The following CPEB2 variants were observed in gnomAD, a reference collection of about 807,000 sequenced individuals.
CPEB2 encodes cytoplasmic polyadenylation element-binding protein 2.
Under a neutral mutation model 93.6 loss-of-function variants are expected in CPEB2, and 56 were observed. The ratio of observed to expected loss-of-function variants is 0.60; its 90% CI spans 0.48 to 0.75. The LOEUF (loss-of-function observed/expected upper bound fraction) is 0.75, where lower values mean the gene tolerates loss of function less well. Ranked by LOEUF, CPEB2 falls within the 30% of genes least tolerant of loss-of-function variation. The pLI, the probability that CPEB2 is intolerant of heterozygous loss-of-function variation, is 0.00. For synonymous variants in CPEB2, 764 were observed against 586.3 expected (o/e 1.30, Z -4.38); for missense variants, 1,579 against 1,395.1 (o/e 1.13, Z -2.10).
chr4:15,049,417 TCTG>T lies in CPEB2; in HGVS notation c.2201-2996_2201-2994del, dbSNP rs1164690184. Among the ~76,000 whole-genome samples, 3 of 150,322 alleles carry T rather than the reference TCTG, an allele frequency of 2.0e-5. No individual in the cohort carries two copies. The Admixed American group carries it at 2.0e-4, about 10-fold the overall frequency. The stretch of plus-strand genomic sequence containing the variant: ...GAAAAACTTTCCAAAGTATTGTACA[TCTG>T]AAATAAATATAGAATTTGGATTTGT... On this transcript the variant is annotated intron_variant, in intron 6 of 11. Transcript: ENST00000538197.
At chr4:15,055,375 A>G (rs1168662367) in intron 8 of CPEB2, among the ~76,000 whole-genome samples, 2 of 152,302 alleles carry the variant, frequency 1.3e-5, no homozygotes, top group East Asian at 1.9e-4. Context: ...ACAGGAAATT[A>G]TCTCCACATA....
Position 15,069,896 on chromosome 4 carries a change from G to A in CPEB2, c.*3516G>A, listed in dbSNP as rs1393624430. On this transcript the variant is annotated 3_prime_UTR_variant, in exon 12 of 12. Transcript: ENST00000538197. ...ATATTCCTAATGGGGTGTTAAAGCC[G>A]TTTTTTATTTTTTTCTAAATAAAAA... The A allele has an allele frequency of 2.6e-5, 4 of 151,834 alleles. No homozygotes were observed. Among genetic ancestry groups the A allele is most frequent in the Admixed American group, 6.6e-5 (1 of 15,158 alleles). 9.4% of individuals were successfully genotyped at this position (151,834 alleles called of 1,614,324 possible). A position where few individuals can be genotyped will look rare whatever the true frequency, so the allele number is the denominator to read the frequency against.
intron 4 of CPEB2, among the ~76,000 whole-genome samples, chr4:15,019,160 G>A (rs9985700): frequency 0.87 from 130,774 of 150,964 alleles, 57,588 homozygotes; most frequent in Non-Finnish European, 0.95. Flanking sequence ...TATCTTCCAC[G>A]TGTTTTATGA....
At chr4:15,025,078 C>T (rs1725298814) in intron 4 of CPEB2, among the ~76,000 whole-genome samples, 5 of 152,054 alleles carry the variant, frequency 3.3e-5, no homozygotes, top group African/African-American at 1.2e-4. Flanking sequence ...TTTGGAATTC[C>T]TGTTCCTCAA....
intron 8 of CPEB2, among the ~76,000 whole-genome samples, chr4:15,056,746 C>T (rs1361146732): frequency 6.6e-6 from 1 of 152,134 alleles, no homozygotes; most frequent in African/African-American, 2.4e-5. Flanking sequence ...CACACATGTA[C>T]GTAAGTTTCC....
chr4:15,053,110 G>A (rs1412868780), intron 7 of CPEB2, among the ~76,000 whole-genome samples: 6 of 151,644 alleles, frequency 4.0e-5, no homozygotes, highest in Non-Finnish European at 5.9e-5. Context: ...TCCACTTCCC[G>A]GGTTCAAGCG....
chr4:15,033,076 C>A, intron 4 of CPEB2, 85 bp from the exon 5 acceptor site: 2 of 869,250 alleles, frequency 2.3e-6, no homozygotes, highest in Non-Finnish European at 3.7e-6. Context: ...CTTTATGCTG[C>A]CTTTGTTGTT....
At chr4:15,054,451 G>C (rs1728530018) in intron 8 of CPEB2, among the ~76,000 whole-genome samples, 1 of 152,170 alleles carries the variant, frequency 6.6e-6, no homozygotes, top group African/African-American at 2.4e-5. Flanking sequence ...TAAGATCTAT[G>C]TGAAGTGATT....
intron 6 of CPEB2, among the ~76,000 whole-genome samples, chr4:15,046,692 C>G (rs963732214): frequency 2.0e-5 from 3 of 152,160 alleles, no homozygotes; most frequent in Non-Finnish European, 4.4e-5. Flanking sequence ...GTCTTTTGCT[C>G]ATTTTTAATT....
intron 3 of CPEB2, among the ~76,000 whole-genome samples, chr4:15,016,023 G>A (rs1724096764): frequency 6.6e-6 from 1 of 152,014 alleles, no homozygotes; most frequent in Non-Finnish European, 1.5e-5. Context: ...CCTATGAACA[G>A]TATATTACAT....
At chr4:15,004,795 G>A (rs1722562519) in intron 1 of CPEB2, 1 of 152,760 alleles carries the variant, frequency 6.5e-6, no homozygotes, top group African/African-American at 2.4e-5. Flanking sequence ...GAGGACCGGG[G>A]GCTGGCCGGG....
chr4:15,069,940 G>A lies in CPEB2; in HGVS notation c.*3560G>A, dbSNP rs1729969390. 1 of 151,188 alleles carries A rather than the reference G, an allele frequency of 6.6e-6. No individual in the cohort carries two copies. The allele number at this position is 151,188 out of a possible 1,614,324, so 9.4% of individuals were successfully genotyped here. A position where few individuals can be genotyped will look rare whatever the true frequency, so the allele number is the denominator to read the frequency against. On this transcript the variant is annotated 3_prime_UTR_variant, in exon 12 of 12. Coordinates refer to ENST00000538197, the MANE Select transcript of CPEB2 (RefSeq NM_001177382.2). ...ATAAAAAGAGAACCCATGCTTTTAT[G>A]GACACTAGGTAAACACCTTCAGCTT...
At chr4:15,032,677 A>C (rs1228603070) in intron 4 of CPEB2, among the ~76,000 whole-genome samples, 1 of 152,102 alleles carries the variant, frequency 6.6e-6, no homozygotes, top group African/African-American at 2.4e-5. Flanking sequence ...ATAAAGCCAC[A>C]TTGGCAAGTT....
In CPEB2 at chr4:15,066,425, T is replaced by C. The variant is rs1729713745; in HGVS notation, c.*45T>C. 5 of 1,336,674 alleles carry C rather than the reference T, an allele frequency of 3.7e-6. No individual in the cohort carries two copies. Among genetic ancestry groups the C allele is most frequent in the South Asian group, 1.2e-5 (1 of 80,398 alleles). 82.8% of individuals were successfully genotyped at this position (1,336,674 alleles called of 1,614,324 possible). Reference sequence around the variant, plus strand: ...GTTTAACAAGGAAAGAAAGGGTGCATGTGGCTTACTGTGTCTGAAGATACT... The same window carrying C: ...GTTTAACAAGGAAAGAAAGGGTGCACGTGGCTTACTGTGTCTGAAGATACT... On this transcript the variant is annotated 3_prime_UTR_variant, in exon 12 of 12. Coordinates refer to ENST00000538197, the MANE Select transcript of CPEB2 (RefSeq NM_001177382.2).
chr4:15,063,498 C>T (rs1209368348), intron 11 of CPEB2, among the ~76,000 whole-genome samples: 1 of 152,044 alleles, frequency 6.6e-6, no homozygotes, highest in Non-Finnish European at 1.5e-5. Context: ...CATTATTCAC[C>T]TGGGAACTTA....
chr4:15,003,852 GC>G lies in CPEB2; in HGVS notation c.1183del (p.Gln395SerfsTer63). The G allele has an allele frequency of 4.6e-6, 4 of 861,922 alleles. No individual in the cohort carries two copies. The highest frequency in any genetic ancestry group is 4.6e-6 in the Non-Finnish European group (3 of 653,784). The allele number at this position is 861,922 out of a possible 1,614,324, so 53.4% of individuals were successfully genotyped here. A position where few individuals can be genotyped will look rare whatever the true frequency, so the allele number is the denominator to read the frequency against. On this transcript the variant is annotated frameshift_variant, in exon 1 of 12. Transcript: ENST00000538197. LOFTEE classifies it high-confidence loss of function. ...TGCAGACCGCGTCGCCGCCACCCCA[GC>G]CCCAGCAGCCGCCGCCGACCCAGCC... ...SVQTASPPPQPQQPPPTQPQQ... is the reference protein window; with the variant it reads ...SVQTASPPPQXQQPPPTQPQQ...
intron 6 of CPEB2, among the ~76,000 whole-genome samples, chr4:15,049,682 T>C (rs895514760): frequency 6.6e-6 from 1 of 152,242 alleles, no homozygotes; most frequent in African/African-American, 2.4e-5. Context: ...TTCCTGTTTC[T>C]AATAACAGCG....
chr4:15,003,866 C>T lies in CPEB2; in HGVS notation c.1193C>T (p.Pro398Leu). The T allele has an allele frequency of 1.2e-6, 1 of 857,708 alleles. No homozygotes were observed. The highest frequency in any genetic ancestry group is 1.5e-6 in the Non-Finnish European group (1 of 651,400). 53.1% of individuals were successfully genotyped at this position (857,708 alleles called of 1,614,324 possible). ...CCGCCACCCCAGCCCCAGCAGCCGC[C>T]GCCGACCCAGCCGCAGCAGCAGCCG... Reference protein sequence around the residue: ...ASPPPQPQQPPPTQPQQQPPP... With the variant: ...ASPPPQPQQPLPTQPQQQPPP... Residue 398 changes from proline (P) to leucine (L), a missense_variant, in exon 1 of 12, where the codon CCG (proline) becomes CTG (leucine). Physicochemically the swap from Pro to Leu is moderately conservative, Grantham distance 98. This residue lies in a region of CPEB2 where 1,411 missense variants were observed against 1,056.0 expected (regional missense o/e 1.34). Coordinates refer to ENST00000538197, the MANE Select transcript of CPEB2 (RefSeq NM_001177382.2).
rs1189400787 is a variant in CPEB2, at chr4:15,002,579, T to G, written c.-95T>G. ...GTGTCCCTCTCTCACTGACTCCCCC[T>G]CCTTCCACCACGGCCGCGCAACCCC... On this transcript the variant is annotated 5_prime_UTR_variant, in exon 1 of 12. Coordinates refer to ENST00000538197, the MANE Select transcript of CPEB2 (RefSeq NM_001177382.2). 2.9e-6 allele frequency: 3 copies of G among 1,032,976 alleles called. No homozygotes were observed. In the East Asian group the frequency reaches 8.9e-5, roughly 31 times the overall value. 64.0% of individuals were successfully genotyped at this position (1,032,976 alleles called of 1,614,324 possible).
Sources: allele counts gnomAD v4.1 joint callset (sites outside exome capture counted in the v4.1 genomes callset), GRCh38; gene constraint gnomAD v4.1.1; regional missense constraint gnomAD v4.1.1; transcripts MANE v1.5; gene names NCBI Gene and HGNC (gene_info 2026-07-23, HGNC 2026-07-21).